The following HSD17B12 variants were observed in gnomAD, a reference collection of about 807,000 sequenced individuals.
The protein encoded by HSD17B12 is hydroxysteroid 17-beta dehydrogenase 12.
In HSD17B12, 32 loss-of-function variants were observed where a neutral mutation model predicts 39.3. The ratio of observed to expected loss-of-function variants is 0.81; its 90% CI spans 0.61 to 1.09. The LOEUF (loss-of-function observed/expected upper bound fraction) is 1.09, where lower values mean the gene tolerates loss of function less well. HSD17B12 is among the 50% of genes least tolerant of loss of function. The probability of loss-of-function intolerance (pLI) is 0.00; values close to 1 mark genes in which losing one functional copy is unlikely to be tolerated. For synonymous variants in HSD17B12, 150 were observed against 146.7 expected (o/e 1.02, Z -0.16); for missense variants, 342 against 382.9 (o/e 0.89, Z 0.89).
rs1441029568 is a variant in HSD17B12 at position 43,796,627 on chromosome 11, T to C, written c.284-1693T>C. ...TATACAAAACTCTACAATGTAAGTATGTACATTCAGCAAATCCTGTGAGAT... is the reference window on the plus strand; with the variant it reads ...TATACAAAACTCTACAATGTAAGTACGTACATTCAGCAAATCCTGTGAGAT... On this transcript the variant is annotated intron_variant, in intron 3 of 10. Coordinates refer to ENST00000278353, the MANE Select transcript of HSD17B12 (RefSeq NM_016142.3). Among the ~76,000 whole-genome samples the C allele has an allele frequency of 3.3e-5, 5 of 152,366 alleles. No individual in the cohort carries two copies. The East Asian group carries it at 5.8e-4, about 18-fold the overall frequency.
At position 43,769,224 on chromosome 11, in the gene HSD17B12, G is replaced by A. The variant is rs1222341782; in HGVS notation, c.283+15103G>A. Among the ~76,000 whole-genome samples the A allele has an allele frequency of 3.9e-5, 6 of 152,342 alleles. No individual in the cohort carries two copies. The East Asian group carries it at 9.6e-4, about 24-fold the overall frequency. On this transcript the variant is annotated intron_variant, in intron 3 of 10. Transcript: ENST00000278353. ...CAAAGTGCTGAGATTATAGGCGTGA[G>A]CCACTGCCTCACTGCCTTAAATATG...
intron 1 of HSD17B12, among the ~76,000 whole-genome samples, chr11:43,689,774 C>G (rs1294662948): frequency 6.6e-6 from 1 of 152,036 alleles, no homozygotes; most frequent in Non-Finnish European, 1.5e-5. Flanking sequence ...GTTTTGAACT[C>G]CTGACCTCAG....
the HSD17B12 span, among the ~76,000 whole-genome samples, chr11:43,674,508 A>G: frequency 1.4e-4 from 21 of 152,184 alleles, no homozygotes; most frequent in African/African-American, 5.1e-4. Flanking sequence ...CGATTATTCT[A>G]TTAATTGCAT....
At chr11:43,579,924 C>T in the HSD17B12 span, among the ~76,000 whole-genome samples, 2 of 152,096 alleles carry the variant, frequency 1.3e-5, no homozygotes, top group African/African-American at 4.8e-5. Flanking sequence ...TGCCAAAGAA[C>T]AAATATGGCA....
chr11:43,708,102 T>C (rs1280495003), intron 1 of HSD17B12, among the ~76,000 whole-genome samples: 1 of 152,202 alleles, frequency 6.6e-6, no homozygotes, highest in East Asian at 1.9e-4. Flanking sequence ...CTTCAACGTA[T>C]GAATTTGGGG....
the HSD17B12 span, among the ~76,000 whole-genome samples, chr11:43,615,254 A>T: frequency 6.6e-6 from 1 of 152,156 alleles, no homozygotes; most frequent in African/African-American, 2.4e-5. Flanking sequence ...TTAAATGCCC[A>T]GTATGTTCAG....
intron 1 of HSD17B12, among the ~76,000 whole-genome samples, chr11:43,743,872 G>C (rs549427181): frequency 6.6e-6 from 1 of 152,244 alleles, no homozygotes; most frequent in East Asian, 1.9e-4. Flanking sequence ...AAAATATAAA[G>C]AGTAGAAGAA....
At chr11:43,691,336 A>G (rs921789131) in intron 1 of HSD17B12, among the ~76,000 whole-genome samples, 4 of 152,196 alleles carry the variant, frequency 2.6e-5, no homozygotes, top group Non-Finnish European at 4.4e-5. Context: ...TTTCATATAG[A>G]AAGTTTCTTA....
chr11:43,583,262 C>T, the HSD17B12 span, among the ~76,000 whole-genome samples: 2 of 152,246 alleles, frequency 1.3e-5, no homozygotes, highest in African/African-American at 4.8e-5. Context: ...CCCTCCGAGG[C>T]TAAGTGTGGG....
chr11:43,635,133 T>C, the HSD17B12 span, among the ~76,000 whole-genome samples: 3 of 152,244 alleles, frequency 2.0e-5, no homozygotes, highest in African/African-American at 4.8e-5. Flanking sequence ...ATAGAGATGA[T>C]GTAGATACAT....
At chr11:43,767,214 A>AAC (rs1950603682) in intron 3 of HSD17B12, among the ~76,000 whole-genome samples, 1 of 151,976 alleles carries the variant, frequency 6.6e-6, no homozygotes, top group African/African-American at 2.4e-5. Flanking sequence ...TAAAAAAAAA[A>AAC]AACACTTTTT....
At chr11:43,850,209 G>A (rs976915390) in intron 9 of HSD17B12, among the ~76,000 whole-genome samples, 2 of 152,078 alleles carry the variant, frequency 1.3e-5, no homozygotes, top group Non-Finnish European at 2.9e-5. Context: ...GCCTTTATAT[G>A]GAAAAGCTAA....
At chr11:43,845,974 T>C (rs753528588) in intron 9 of HSD17B12, among the ~76,000 whole-genome samples, 9 of 152,246 alleles carry the variant, frequency 5.9e-5, no homozygotes, top group Non-Finnish European at 4.4e-5. Flanking sequence ...AAATGAAAAG[T>C]CACAGCTAAA....
At chr11:43,766,127 G>A (rs959061081) in intron 3 of HSD17B12, among the ~76,000 whole-genome samples, 1 of 152,116 alleles carries the variant, frequency 6.6e-6, no homozygotes, top group South Asian at 2.1e-4. Context: ...GCCCGGCCTC[G>A]CCTTTTCTTA....
Position 43,754,073 on chromosome 11 carries a change from C to A in HSD17B12, c.235C>A (p.Leu79Ile). The change falls in exon 3 of 11, where the codon CTT (leucine) becomes ATT (isoleucine). Residue 79 changes from leucine to isoleucine, a missense_variant. Transcript: ENST00000278353. ...AGCAAAGCATGGAATGAAGGTTGTCCTTATCAGCAGATCAAAGGATAAACT... is the reference window on the plus strand; with the variant it reads ...AGCAAAGCATGGAATGAAGGTTGTCATTATCAGCAGATCAAAGGATAAACT... ...ELAKHGMKVV[L>I]ISRSKDKLDQ... 1.2e-6 allele frequency: 2 copies of A among 1,612,228 alleles called. No homozygotes were observed. Among genetic ancestry groups the A allele is most frequent in the Non-Finnish European group, 8.5e-7 (1 of 1,178,912 alleles).
intron 3 of HSD17B12, among the ~76,000 whole-genome samples, chr11:43,785,874 C>T (rs1331243225): frequency 1.3e-5 from 2 of 152,092 alleles, no homozygotes; most frequent in African/African-American, 2.4e-5. Context: ...ATATTTGTTC[C>T]TGAATTTTGC....
chr11:43,565,491 G>A, the HSD17B12 span, among the ~76,000 whole-genome samples: 307 of 152,330 alleles, frequency 2.0e-3, no homozygotes, highest in Non-Finnish European at 3.7e-3. Flanking sequence ...CCAGAGGTAG[G>A]TGAACAGAGC....
At chr11:43,654,792 A>T in the HSD17B12 span, among the ~76,000 whole-genome samples, 1 of 152,174 alleles carries the variant, frequency 6.6e-6, no homozygotes, top group Non-Finnish European at 1.5e-5. Context: ...TGTTTTGGTT[A>T]CTGTAGCCTT....
At chr11:43,721,106 C>T (rs775834738) in intron 1 of HSD17B12, among the ~76,000 whole-genome samples, 2 of 151,490 alleles carry the variant, frequency 1.3e-5, no homozygotes, top group Non-Finnish European at 2.9e-5. Context: ...GCAAGACAGT[C>T]ATAGAGCTTA....
Sources: allele counts gnomAD v4.1 joint callset (sites outside exome capture counted in the v4.1 genomes callset), GRCh38; gene constraint gnomAD v4.1.1; transcripts MANE v1.5; gene names NCBI Gene and HGNC (gene_info 2026-07-23, HGNC 2026-07-21).